The following NDEL1 variants were observed in gnomAD, a reference collection of about 807,000 sequenced individuals.
The protein encoded by NDEL1 is nudE neurodevelopment protein 1 like 1.
A neutral mutation model predicts 45.7 loss-of-function variants in NDEL1; 9 were observed. The observed-to-expected ratio is 0.20, with a 90% CI of 0.12 to 0.34. The LOEUF (loss-of-function observed/expected upper bound fraction) is 0.34, where lower values mean the gene tolerates loss of function less well. Among genes scored for constraint, NDEL1 ranks in the 10% least tolerant of loss-of-function variants. The probability of loss-of-function intolerance (pLI) is 1.00; values close to 1 mark genes in which losing one functional copy is unlikely to be tolerated. For missense variants in NDEL1, 306 were observed against 406.2 expected (o/e 0.75, Z 2.12); for synonymous variants, 133 against 158.6 (o/e 0.84, Z 1.21).
chr17:8,438,368 A>G (rs938578806), intron 1 of NDEL1, among the ~76,000 whole-genome samples: 2 of 152,236 alleles, frequency 1.3e-5, no homozygotes, highest in Non-Finnish European at 2.9e-5. Context: ...TATAGCCTGA[A>G]TATCTCCAGT....
chr17:8,432,492 C>G (rs1417820336), upstream of NDEL1, among the ~76,000 whole-genome samples: 2 of 151,096 alleles, frequency 1.3e-5, no homozygotes, highest in Non-Finnish European at 2.9e-5. Flanking sequence ...TCATGCCATT[C>G]TCCTGCCTCA....
upstream of NDEL1, among the ~76,000 whole-genome samples, chr17:8,433,818 G>A (rs1218929653): frequency 6.6e-6 from 1 of 151,416 alleles, no homozygotes; most frequent in Non-Finnish European, 1.5e-5. Flanking sequence ...GCTTGGCCCT[G>A]TGCAAAAAAA....
intron 1 of NDEL1, chr17:8,444,024 T>C: frequency 2.9e-6 from 1 of 341,806 alleles, no homozygotes; most frequent in Non-Finnish European, 5.3e-6. Context: ...CAAAAGTGCC[T>C]CCTGTCGCTT....
intron 1 of NDEL1, among the ~76,000 whole-genome samples, chr17:8,429,598 G>A (rs879453451): frequency 5.9e-5 from 9 of 152,102 alleles, no homozygotes; most frequent in Admixed American, 5.2e-4. Flanking sequence ...TAAAGGGCAG[G>A]GGAAGTCAAC....
intron 1 of NDEL1, among the ~76,000 whole-genome samples, chr17:8,427,840 G>C (rs2151697273): frequency 6.6e-6 from 1 of 152,322 alleles, no homozygotes; most frequent in Non-Finnish European, 1.5e-5. Flanking sequence ...TATTTATTGA[G>C]TGCCCACTCA....
intron 7 of NDEL1, among the ~76,000 whole-genome samples, chr17:8,455,751 C>T (rs1298552717): frequency 6.6e-6 from 1 of 151,438 alleles, no homozygotes; most frequent in African/African-American, 2.4e-5. Flanking sequence ...TTACTGTGTA[C>T]CATACCTACT....
At chr17:8,463,150 CTT>C (rs201858278) in intron 8 of NDEL1, 1 of 528,602 alleles carries the variant, frequency 1.9e-6, no homozygotes, top group Non-Finnish European at 3.4e-6. Flanking sequence ...CAAAAACACT[CTT>C]TTTTTTCCCA....
intron 1 of NDEL1, among the ~76,000 whole-genome samples, chr17:8,428,866 G>A (rs569723653): frequency 6.6e-6 from 1 of 151,564 alleles, no homozygotes; most frequent in Admixed American, 6.6e-5. Flanking sequence ...GTAGAGACGG[G>A]GTTTCACCGT....
At position 8,415,427 on chromosome 17, in the gene NDEL1, C is replaced by CATTT. The variant is rs111333617; in HGVS notation, c.-13+2180_-13+2183dup. 2.2e-3 allele frequency among the ~76,000 whole-genome samples: 324 copies of CATTT among 148,148 alleles called. 6 individuals are homozygous for CATTT. The highest frequency in any genetic ancestry group is 5.2e-3 in the African/African-American group (208 of 39,866). On this transcript the variant is annotated intron_variant, in intron 1 of 4. Transcript: ENST00000582812. The stretch of plus-strand genomic sequence containing the variant: ...TTTTTTTGCCACTTTATAGTTTTAA[C>CATTT]ATTTATTTATTTATTTATTTATTTA...
At chr17:8,466,835 T>G (rs922548568) in intron 8 of NDEL1, 95 bp from the exon 9 acceptor site, 1 of 1,273,724 alleles carries the variant, frequency 7.9e-7, no homozygotes, top group Admixed American at 1.8e-5. Context: ...GGAATAGTTT[T>G]AGAAAGCAGA....
At chr17:8,466,857 TTG>T in intron 8 of NDEL1, 71 bp from the exon 9 acceptor site, 2 of 1,392,370 alleles carry the variant, frequency 1.4e-6, no homozygotes, top group Non-Finnish European at 2.0e-6. Context: ...TAATTTCCTA[TTG>T]TGTGTGAGTG....
intron 8 of NDEL1, chr17:8,463,182 A>G (rs773879903): frequency 2.5e-4 from 150 of 589,782 alleles, no homozygotes; most frequent in Non-Finnish European, 3.9e-4. Flanking sequence ...GTAGTTTCTT[A>G]GGTAACATGT....
At chr17:8,446,943 G>T (rs749265113) in intron 4 of NDEL1, 41 bp downstream of exon 4, 46 of 1,586,686 alleles carry the variant, frequency 2.9e-5, no homozygotes, top group African/African-American at 4.1e-5. Context: ...AAACCACCTT[G>T]GTAATTAGTG....
chr17:8,447,021 T>A, intron 4 of NDEL1, 119 bp downstream of exon 4: 1 of 1,287,842 alleles, frequency 7.8e-7, no homozygotes, highest in Non-Finnish European at 1.1e-6. Context: ...GTGTTTCATG[T>A]CACCTGTAAC....
chr17:8,449,819 G>A (rs1272386794), intron 5 of NDEL1, among the ~76,000 whole-genome samples: 1 of 152,138 alleles, frequency 6.6e-6, no homozygotes, highest in Non-Finnish European at 1.5e-5. Flanking sequence ...TTGCTATTGC[G>A]AATGATACCG....
intron 1 of NDEL1, among the ~76,000 whole-genome samples, chr17:8,428,312 C>T (rs1248896178): frequency 1.4e-5 from 2 of 143,238 alleles, no homozygotes; most frequent in Non-Finnish European, 3.0e-5. Flanking sequence ...CCTCAAGGCT[C>T]AAGTGTGTGT....
chr17:8,442,774 T>G (rs1332642932), intron 1 of NDEL1, among the ~76,000 whole-genome samples: 5 of 132,810 alleles, frequency 3.8e-5, no homozygotes, highest in Non-Finnish European at 7.8e-5. Flanking sequence ...TTTTATTTAT[T>G]TACTTTTTTT....
chr17:8,421,313 A>G (rs1241236945), intron 1 of NDEL1, among the ~76,000 whole-genome samples: 2 of 152,210 alleles, frequency 1.3e-5, no homozygotes, highest in Non-Finnish European at 2.9e-5. Context: ...ATGTTACCTT[A>G]TATGGCAAAA....
At chr17:8,468,440 C>T (rs977147341), downstream of NDEL1, among the ~76,000 whole-genome samples, 2 of 152,210 alleles carry the variant, frequency 1.3e-5, no homozygotes, top group African/African-American at 2.4e-5. Context: ...ATGTTGAGGG[C>T]GGAAGTTCAC....
Sources: allele counts gnomAD v4.1 joint callset (sites outside exome capture counted in the v4.1 genomes callset), GRCh38; gene constraint gnomAD v4.1.1; transcripts MANE v1.5; gene names NCBI Gene and HGNC (gene_info 2026-07-23, HGNC 2026-07-21).